Variants in GABRB1 observed in about 807,000 individuals in gnomAD.
GABRB1 encodes gamma-aminobutyric acid type A receptor subunit beta1.
GABRB1 carries 17 observed loss-of-function variants against 51.6 expected under a neutral mutation model. The observed-to-expected ratio is 0.33, with a 90% CI of 0.23 to 0.49. The LOEUF is 0.49. Among genes scored for constraint, GABRB1 ranks in the 20% least tolerant of loss-of-function variants. GABRB1 has a pLI of 0.99. For synonymous variants in GABRB1, 247 were observed against 218.9 expected (o/e 1.13, Z -1.14); for missense variants, 410 against 600.6 (o/e 0.68, Z 3.32).
intron 5 of GABRB1, among the ~76,000 whole-genome samples, chr4:47,378,296 T>G (rs1727462111): frequency 6.6e-6 from 1 of 152,186 alleles, no homozygotes; most frequent in African/African-American, 2.4e-5. Context: ...CTGGCCTAGG[T>G]GCTAAGCCCC....
intron 3 of GABRB1, among the ~76,000 whole-genome samples, chr4:47,088,559 A>G (rs1056369889): frequency 1.3e-5 from 2 of 152,194 alleles, no homozygotes; most frequent in African/African-American, 4.8e-5. Context: ...GAGTCTGGAG[A>G]AGCATGAAGC....
At chr4:47,031,787 T>C (rs71611989) in intron 1 of GABRB1, 56 bp downstream of exon 1, 2 of 1,556,012 alleles carry the variant, frequency 1.3e-6, no homozygotes, top group Non-Finnish European at 1.8e-6. Flanking sequence ...TTTTTCTTGG[T>C]ATGTTTCTTT....
chr4:47,403,379 T>C lies in GABRB1; in HGVS notation c.606T>C (p.Gly202=). ...YWNGGEGAVT[G]VNKIELPQFS... ...ATGGAGGAGAAGGGGCAGTCACTGG[T>C]GTTAATAAAATCGAACTTCCTCAAT... Residue 202 remains glycine, a synonymous_variant, in exon 6 of 9, where the codon GGT becomes GGC. Transcript: ENST00000295454. 6.2e-7 allele frequency: 1 copy of C among 1,614,046 alleles called. No individual in the cohort carries two copies. The highest frequency in any genetic ancestry group is 8.5e-7 in the Non-Finnish European group (1 of 1,179,910).
chr4:47,333,854 C>T (rs1350727531), intron 5 of GABRB1, among the ~76,000 whole-genome samples: 4 of 152,196 alleles, frequency 2.6e-5, no homozygotes, highest in Non-Finnish European at 5.9e-5. Flanking sequence ...TAGGTACTGG[C>T]TGTACTCATT....
chr4:47,024,613 T>C (rs1725029400), intron 1 of GABRB1, among the ~76,000 whole-genome samples: 1 of 151,822 alleles, frequency 6.6e-6, no homozygotes, highest in African/African-American at 2.4e-5. Flanking sequence ...AGAAGTGGCA[T>C]TTGGTTATAT....
At chr4:47,272,042 G>A (rs1722893819) in intron 4 of GABRB1, among the ~76,000 whole-genome samples, 1 of 152,266 alleles carries the variant, frequency 6.6e-6, no homozygotes, top group South Asian at 2.1e-4. Context: ...ACGACTCCAT[G>A]TATGGTCCAT....
chr4:47,221,258 T>C (rs528102310), intron 4 of GABRB1, among the ~76,000 whole-genome samples: 2 of 152,174 alleles, frequency 1.3e-5, no homozygotes, highest in Non-Finnish European at 2.9e-5. Flanking sequence ...GGAACATCTC[T>C]CCTCTAGCAC....
intron 8 of GABRB1, among the ~76,000 whole-genome samples, chr4:47,408,464 A>G (rs1199829862): frequency 6.6e-6 from 1 of 152,204 alleles, no homozygotes; most frequent in East Asian, 1.9e-4. Context: ...CACTGTTTGA[A>G]AAATTAGCAA....
intron 4 of GABRB1, among the ~76,000 whole-genome samples, chr4:47,273,038 G>A (rs1183924366): frequency 6.6e-6 from 1 of 151,978 alleles, no homozygotes; most frequent in Non-Finnish European, 1.5e-5. Context: ...CATAAACCAA[G>A]TATCCATAAT....
chr4:47,320,559 AC>A (rs1294130759), intron 5 of GABRB1, among the ~76,000 whole-genome samples: 18 of 152,242 alleles, frequency 1.2e-4, no homozygotes, highest in Non-Finnish European at 2.1e-4. Context: ...TCATCTGTTG[AC>A]CTAAACTATT....
intron 8 of GABRB1, among the ~76,000 whole-genome samples, chr4:47,416,638 G>A (rs1728930841): frequency 6.6e-6 from 1 of 152,048 alleles, no homozygotes; most frequent in African/African-American, 2.4e-5. Flanking sequence ...TTTTAGTAGA[G>A]ATGGGGTTTC....
chr4:47,415,455 C>T (rs1024798366), intron 8 of GABRB1, among the ~76,000 whole-genome samples: 4 of 151,924 alleles, frequency 2.6e-5, no homozygotes, highest in African/African-American at 9.7e-5. Flanking sequence ...TTTCTTATAC[C>T]CCATAGTTAT....
chr4:47,184,758 C>T (rs535105497), intron 4 of GABRB1, among the ~76,000 whole-genome samples: 7 of 151,870 alleles, frequency 4.6e-5, no homozygotes, highest in African/African-American at 1.7e-4. Flanking sequence ...TGGCATGGCT[C>T]CCAGGCTGTC....
chr4:47,333,190 TTATTTATATATATA>T (rs1453247819), intron 5 of GABRB1, among the ~76,000 whole-genome samples: 2,223 of 83,448 alleles, frequency 0.027, 38 homozygotes, highest in Middle Eastern at 0.033. Context: ...AAAACCCATT[TTATTTATATATATA>T]TATATATATA....
At chr4:47,298,353 C>T (rs1403510285) in intron 4 of GABRB1, among the ~76,000 whole-genome samples, 3 of 152,148 alleles carry the variant, frequency 2.0e-5, no homozygotes, top group Non-Finnish European at 2.9e-5. Context: ...CATCTCAGCC[C>T]AAAATCTCCT....
rs1232143808 is a variant in GABRB1 at position 47,113,383 on chromosome 4, C to G, written c.241-47866C>G. Among the ~76,000 whole-genome samples the G allele has an allele frequency of 2.7e-4, 26 of 95,052 alleles. 1 individual carries two copies. The highest frequency in any genetic ancestry group is 2.7e-3 in the Admixed American group (25 of 9,212). 62.4% of individuals were successfully genotyped at this position (95,052 alleles called of 152,430 possible). A position where few individuals can be genotyped will look rare whatever the true frequency, so the allele number is the denominator to read the frequency against. On this transcript the variant is annotated intron_variant, in intron 3 of 8. Transcript: ENST00000295454. ...CCTGGGTGACAGAGTGAGACTTCGT[C>G]TCCAAAAAAAAAAAAAAAAAATCAT...
intron 5 of GABRB1, among the ~76,000 whole-genome samples, chr4:47,400,742 G>A (rs541260548): frequency 6.6e-6 from 1 of 152,010 alleles, no homozygotes; most frequent in African/African-American, 2.4e-5. Context: ...CCACTTCTGA[G>A]TCTCCAACAT....
At chr4:47,277,042 T>C (rs894552999) in intron 4 of GABRB1, among the ~76,000 whole-genome samples, 2 of 152,092 alleles carry the variant, frequency 1.3e-5, no homozygotes, top group Non-Finnish European at 2.9e-5. Flanking sequence ...AAATTTTACA[T>C]CTTTACACTA....
At chr4:47,347,663 C>T (rs1300452812) in intron 5 of GABRB1, among the ~76,000 whole-genome samples, 3 of 152,178 alleles carry the variant, frequency 2.0e-5, no homozygotes, top group East Asian at 3.9e-4. Context: ...GACTTGCTTA[C>T]ATTTGCAAAT....
Sources: gnomAD v4.1 joint callset for allele counts (sites outside exome capture counted in the v4.1 genomes callset) on GRCh38, gnomAD v4.1.1 for gene constraint, MANE v1.5 for transcripts, NCBI Gene and HGNC (gene_info 2026-07-23, HGNC 2026-07-21) for gene names.